SLC39A11: variants seen among roughly 807,000 people sequenced by gnomAD.
SLC39A11 encodes the protein solute carrier family 39 member 11.
Under a neutral mutation model 36.1 loss-of-function variants are expected in SLC39A11, and 33 were observed. The ratio of observed to expected loss-of-function variants is 0.91; its 90% CI spans 0.69 to 1.22. SLC39A11 has a LOEUF of 1.22. Among genes scored for constraint, SLC39A11 ranks in the 50% most tolerant of loss-of-function variants. The pLI, the probability that SLC39A11 is intolerant of heterozygous loss-of-function variation, is 0.00. For synonymous variants in SLC39A11, 166 were observed against 170.3 expected (o/e 0.97, Z 0.20); for missense variants, 432 against 430.3 (o/e 1.00, Z -0.03).
intron 6 of SLC39A11, among the ~76,000 whole-genome samples, chr17:72,787,390 T>C (rs1454747275): frequency 6.6e-6 from 1 of 151,312 alleles, no homozygotes; most frequent in African/African-American, 2.4e-5. Context: ...CCCGAGTAGC[T>C]GGGACTACAG....
chr17:73,060,283 G>C (rs1472266514), intron 3 of SLC39A11, among the ~76,000 whole-genome samples: 1 of 151,140 alleles, frequency 6.6e-6, no homozygotes, highest in Non-Finnish European at 1.5e-5. Context: ...AAGTTGGGGG[G>C]TTTCTTTACC....
At chr17:72,654,468 T>A (rs528852862) in intron 7 of SLC39A11, among the ~76,000 whole-genome samples, 1 of 152,230 alleles carries the variant, frequency 6.6e-6, no homozygotes, top group Non-Finnish European at 1.5e-5. Context: ...TTCCAGGAGT[T>A]GGAGACATGT....
At chr17:72,885,689 CCT>C (rs761833271) in intron 5 of SLC39A11, among the ~76,000 whole-genome samples, 67 of 152,090 alleles carry the variant, frequency 4.4e-4, no homozygotes, top group Non-Finnish European at 8.1e-4. Context: ...ACCACTGGCA[CCT>C]CTGTGCCATT....
chr17:72,734,224 A>T (rs1057127513), intron 7 of SLC39A11, among the ~76,000 whole-genome samples: 5 of 152,176 alleles, frequency 3.3e-5, no homozygotes, highest in Non-Finnish European at 5.9e-5. Context: ...CCCAAGAAGA[A>T]GATGCCAGAC....
intron 4 of SLC39A11, among the ~76,000 whole-genome samples, chr17:73,030,793 C>G (rs947534730): frequency 2.0e-5 from 3 of 152,190 alleles, no homozygotes; most frequent in African/African-American, 7.2e-5. Flanking sequence ...TAGCCAATGG[C>G]TTGCGGTTCC....
chr17:72,973,260 G>A (rs532168672), intron 4 of SLC39A11, among the ~76,000 whole-genome samples: 1 of 151,924 alleles, frequency 6.6e-6, no homozygotes, highest in Non-Finnish European at 1.5e-5. Context: ...TATTTGTCTG[G>A]GTCAGCAGAA....
At chr17:72,988,227 A>G (rs1173393746) in intron 4 of SLC39A11, among the ~76,000 whole-genome samples, 1 of 152,200 alleles carries the variant, frequency 6.6e-6, no homozygotes, top group Non-Finnish European at 1.5e-5. Context: ...CCAAGGCGGG[A>G]AGATCACCTG....
At chr17:72,986,874 C>T (rs755991938) in intron 4 of SLC39A11, among the ~76,000 whole-genome samples, 1 of 152,166 alleles carries the variant, frequency 6.6e-6, no homozygotes, top group Non-Finnish European at 1.5e-5. Context: ...TCTTCAACTA[C>T]AATGACTAGT....
At chr17:72,831,932 C>T (rs140874294) in intron 6 of SLC39A11, among the ~76,000 whole-genome samples, 137 of 152,102 alleles carry the variant, frequency 9.0e-4, no homozygotes, top group Non-Finnish European at 1.4e-3. Flanking sequence ...TTCTTAAAGA[C>T]GCCGATAGAA....
At chr17:72,905,978 C>T (rs892611933) in intron 5 of SLC39A11, among the ~76,000 whole-genome samples, 1 of 152,208 alleles carries the variant, frequency 6.6e-6, no homozygotes, top group Non-Finnish European at 1.5e-5. Flanking sequence ...TGGTCTCAGT[C>T]TCCTGACCTC....
intron 7 of SLC39A11, among the ~76,000 whole-genome samples, chr17:72,667,372 G>A (rs182640936): frequency 4.6e-5 from 7 of 152,314 alleles, no homozygotes; most frequent in Middle Eastern, 3.4e-3. Context: ...AAAACCAGGC[G>A]AGAAGCTGGC....
chr17:72,759,948 G>A (rs1284110089), intron 6 of SLC39A11, among the ~76,000 whole-genome samples: 1 of 152,180 alleles, frequency 6.6e-6, no homozygotes, highest in Admixed American at 6.5e-5. Flanking sequence ...GAAGTATTGG[G>A]TATGCAGATG....
chr17:72,881,992 C>T (rs2081214345), intron 5 of SLC39A11, among the ~76,000 whole-genome samples: 1 of 152,164 alleles, frequency 6.6e-6, no homozygotes, highest in Admixed American at 6.5e-5. Context: ...TTACTGTTAA[C>T]AATAATGCTA....
intron 4 of SLC39A11, 72 bp from the exon 5 acceptor site, chr17:72,947,947 G>C: frequency 6.3e-7 from 1 of 1,579,988 alleles, no homozygotes; most frequent in Non-Finnish European, 8.6e-7. Context: ...CTGGCTCACG[G>C]GCGCCAAGGC....
intron 7 of SLC39A11, among the ~76,000 whole-genome samples, chr17:72,677,696 T>C (rs559986796): frequency 2.0e-5 from 3 of 152,212 alleles, no homozygotes; most frequent in South Asian, 4.2e-4. Context: ...CCGGCAGGCA[T>C]AGTATCCAGG....
intron 3 of SLC39A11, among the ~76,000 whole-genome samples, chr17:73,062,465 A>AT (rs2059872143): frequency 7.1e-6 from 1 of 140,230 alleles, no homozygotes; most frequent in Non-Finnish European, 1.6e-5. Flanking sequence ...TTGTCTCAAA[A>AT]AAAAAAAAAA....
chr17:72,648,823 GA>G lies in SLC39A11; in HGVS notation c.908del (p.Ile303ThrfsTer23). 6.2e-7 allele frequency: 1 copy of G among 1,614,194 alleles called. No individual in the cohort carries two copies. The highest frequency in any genetic ancestry group is 8.5e-7 in the Non-Finnish European group (1 of 1,180,032). ...CCAACCTGATCTGGGCTTCGGGGAT[GA>G]TGTCGTCCATGACCACGTAGACCAT... ...GAMVYVVMDD[I>X]IPEAQISGNG... On this transcript the variant is annotated frameshift_variant, in exon 9 of 10. Transcript: ENST00000255559. LOFTEE classifies it high-confidence loss of function.
chr17:72,722,635 CT>C (rs145878938), intron 7 of SLC39A11, among the ~76,000 whole-genome samples: 8,387 of 149,576 alleles, frequency 0.056, 682 homozygotes, highest in African/African-American at 0.18. Context: ...GTAAATAACA[CT>C]TTTTTTTTTC....
chr17:73,059,921 T>G (rs1009997784), intron 3 of SLC39A11, among the ~76,000 whole-genome samples: 2 of 151,866 alleles, frequency 1.3e-5, no homozygotes, highest in Non-Finnish European at 2.9e-5. Context: ...GAAATTTTAT[T>G]GTGATCAGCA....
Sources: gnomAD v4.1 joint callset for allele counts (sites outside exome capture counted in the v4.1 genomes callset) on GRCh38, gnomAD v4.1.1 for gene constraint, MANE v1.5 for transcripts, NCBI Gene and HGNC (gene_info 2026-07-23, HGNC 2026-07-21) for gene names.